The following DNAH11 variants were observed in gnomAD, a reference collection of about 807,000 sequenced individuals.
DNAH11 encodes dynein axonemal heavy chain 11.
In DNAH11, 442 loss-of-function variants were observed where a neutral mutation model predicts 526.0. The observed-to-expected ratio is 0.84, with a 90% CI of 0.78 to 0.91. The LOEUF (loss-of-function observed/expected upper bound fraction) is 0.91. Ranked by LOEUF, DNAH11 falls within the 40% of genes least tolerant of loss-of-function variation. DNAH11 has a pLI of 0.00. For missense variants in DNAH11, 6,989 were observed against 5,448.7 expected (o/e 1.28, Z -8.90); for synonymous variants, 2,461 against 1,935.9 (o/e 1.27, Z -7.12).
At chr7:21,722,280 G>C (rs997999516) in intron 44 of DNAH11, among the ~76,000 whole-genome samples, 13 of 152,138 alleles carry the variant, frequency 8.5e-5, no homozygotes, top group African/African-American at 3.1e-4. Context: ...TCCCACCCAA[G>C]TGTGTCTTTC....
intron 62 of DNAH11, among the ~76,000 whole-genome samples, chr7:21,803,224 T>C (rs1789074008): frequency 6.6e-6 from 1 of 152,168 alleles, no homozygotes; most frequent in Non-Finnish European, 1.5e-5. Context: ...CTGGAGGTGA[T>C]AGAAAACTTT....
chr7:21,576,687 C>T (rs370346206), intron 8 of DNAH11, among the ~76,000 whole-genome samples: 11 of 152,308 alleles, frequency 7.2e-5, no homozygotes, highest in African/African-American at 1.4e-4. Flanking sequence ...TTTCAGCTTA[C>T]TCGTGAAGAC....
At chr7:21,727,027 G>A (rs1472436905) in intron 45 of DNAH11, among the ~76,000 whole-genome samples, 2 of 125,964 alleles carry the variant, frequency 1.6e-5, no homozygotes, top group Non-Finnish European at 3.2e-5. Context: ...TCCACCTCCG[G>A]GGTTCAAGTG....
rs1201799102 is a variant in DNAH11, at chr7:21,657,690, A to G, written c.5095-1108A>G. Among the ~76,000 whole-genome samples the G allele has an allele frequency of 2.6e-5, 4 of 152,104 alleles. No individual in the cohort carries two copies. The South Asian group carries it at 6.2e-4, about 24-fold the overall frequency. On this transcript the variant is annotated intron_variant, in intron 29 of 81. Coordinates refer to ENST00000409508, the MANE Select transcript of DNAH11 (RefSeq NM_001277115.2). ...TTAGTTATTAAGGCAGAGATACCAGACCCCATTGGTTAGATCAGAACAACC... is the reference window on the plus strand; with the variant it reads ...TTAGTTATTAAGGCAGAGATACCAGGCCCCATTGGTTAGATCAGAACAACC...
At chr7:21,681,850 T>A (rs897474185) in intron 31 of DNAH11, 173 bp downstream of exon 31, 2 of 828,218 alleles carry the variant, frequency 2.4e-6, no homozygotes, top group Admixed American at 3.7e-5. Context: ...CAATATATTA[T>A]TCTGATGAGA....
intron 36 of DNAH11, among the ~76,000 whole-genome samples, chr7:21,701,193 T>A (rs1162323385): frequency 6.6e-6 from 1 of 152,050 alleles, no homozygotes; most frequent in Non-Finnish European, 1.5e-5. Context: ...TCAAATGATC[T>A]TTTCCATGGC....
chr7:21,595,108 T>G (rs1321442623), intron 14 of DNAH11, among the ~76,000 whole-genome samples: 1 of 152,144 alleles, frequency 6.6e-6, no homozygotes, highest in African/African-American at 2.4e-5. Flanking sequence ...GCAGAAATGG[T>G]TATCTCATAG....
intron 28 of DNAH11, among the ~76,000 whole-genome samples, chr7:21,654,265 G>A (rs563872678): frequency 4.6e-5 from 7 of 152,120 alleles, no homozygotes; most frequent in African/African-American, 9.6e-5. Context: ...CCTAGCAGCC[G>A]CCAATCTGCT....
At chr7:21,886,515 C>T (rs1346922355) in intron 76 of DNAH11, among the ~76,000 whole-genome samples, 2 of 152,112 alleles carry the variant, frequency 1.3e-5, no homozygotes, top group Non-Finnish European at 2.9e-5. Context: ...GAGAGACTTC[C>T]AATTTAGCAC....
Position 21,546,349 on chromosome 7 carries a change from A to C in DNAH11, c.495+1200A>C, listed in dbSNP as rs191997084. Among the ~76,000 whole-genome samples the C allele has an allele frequency of 2.3e-4, 35 of 152,326 alleles. No homozygotes were observed. The East Asian group carries it at 4.0e-3, about 18-fold the overall frequency. On this transcript the variant is annotated intron_variant, in intron 2 of 81. Coordinates refer to ENST00000409508, the MANE Select transcript of DNAH11 (RefSeq NM_001277115.2). Reference sequence around the variant, plus strand: ...CTGATTTCAGGGAGGTGCTAGGAAGACAATCTTTTAACTTCAGTACCAGGA... The same window carrying C: ...CTGATTTCAGGGAGGTGCTAGGAAGCCAATCTTTTAACTTCAGTACCAGGA...
At chr7:21,636,697 G>C (rs1429353810) in intron 26 of DNAH11, among the ~76,000 whole-genome samples, 1 of 152,116 alleles carries the variant, frequency 6.6e-6, no homozygotes, top group Non-Finnish European at 1.5e-5. Context: ...TATGACTGCA[G>C]CACTGCACTC....
At chr7:21,722,383 A>C (rs1206836075) in intron 44 of DNAH11, among the ~76,000 whole-genome samples, 2 of 152,194 alleles carry the variant, frequency 1.3e-5, no homozygotes, top group African/African-American at 4.8e-5. Context: ...AAAAATAGAT[A>C]GCACACATTT....
chr7:21,659,296 TTTC>T (rs1338117981), intron 30 of DNAH11, among the ~76,000 whole-genome samples: 1 of 149,764 alleles, frequency 6.7e-6, no homozygotes, highest in African/African-American at 2.5e-5. Flanking sequence ...ACATGCTTAT[TTTC>T]TTCTGTGTAA....
chr7:21,697,739 C>T (rs1345351283), intron 35 of DNAH11, among the ~76,000 whole-genome samples: 2 of 152,150 alleles, frequency 1.3e-5, no homozygotes, highest in East Asian at 1.9e-4. Context: ...CACCATTAAC[C>T]ACAGGTAAAG....
intron 62 of DNAH11, among the ~76,000 whole-genome samples, chr7:21,805,287 T>A (rs778799047): frequency 3.3e-5 from 5 of 152,160 alleles, no homozygotes; most frequent in Non-Finnish European, 7.3e-5. Context: ...CACAAATACT[T>A]TTTTTGGTCT....
intron 75 of DNAH11, among the ~76,000 whole-genome samples, chr7:21,883,775 C>T (rs1351753649): frequency 6.6e-6 from 1 of 152,132 alleles, no homozygotes; most frequent in Non-Finnish European, 1.5e-5. Context: ...CATGGCAGCT[C>T]AAGCCTGTAA....
At chr7:21,714,034 T>C (rs1158501038) in intron 42 of DNAH11, among the ~76,000 whole-genome samples, 1 of 152,142 alleles carries the variant, frequency 6.6e-6, no homozygotes. Flanking sequence ...TGAGACCTCT[T>C]ACCCCTCCTG....
intron 28 of DNAH11, among the ~76,000 whole-genome samples, chr7:21,649,748 C>T (rs895258339): frequency 6.6e-6 from 1 of 151,784 alleles, no homozygotes; most frequent in Non-Finnish European, 1.5e-5. Flanking sequence ...TCACTGCAAC[C>T]TCCACCTCCT....
intron 74 of DNAH11, among the ~76,000 whole-genome samples, chr7:21,874,424 C>T (rs1323312662): frequency 6.6e-6 from 1 of 152,016 alleles, no homozygotes; most frequent in Non-Finnish European, 1.5e-5. Context: ...CAACCTCAGC[C>T]TCCCAGGTTG....
Sources: gnomAD v4.1 joint callset for allele counts (sites outside exome capture counted in the v4.1 genomes callset) on GRCh38, gnomAD v4.1.1 for gene constraint, MANE v1.5 for transcripts, NCBI Gene and HGNC (gene_info 2026-07-23, HGNC 2026-07-21) for gene names.